CORO7: variants seen among roughly 807,000 people sequenced by gnomAD.
CORO7 encodes coronin 7.
A neutral mutation model predicts 126.6 loss-of-function variants in CORO7; 107 were observed. That is an observed-to-expected ratio of 0.85 (90% CI 0.72 to 0.99). The LOEUF is 0.99. Ranked by LOEUF, CORO7 falls within the 50% of genes least tolerant of loss-of-function variation. The pLI, the probability that CORO7 is intolerant of heterozygous loss-of-function variation, is 0.00. For missense variants in CORO7, 1,314 were observed against 1,255.8 expected, an observed-to-expected ratio of 1.05 and a Z score of -0.70; for synonymous variants, 603 against 536.8, an observed-to-expected ratio of 1.12 and a Z score of -1.70.
chr16:4,413,299 A>G lies in CORO7; in HGVS notation c.157+9T>C, dbSNP rs755752454. ...TGAGCAAATATCCACACTCATGGCCATTCCCTACCAGGACGGTCGGAGTTG... is the reference window on the plus strand; with the variant it reads ...TGAGCAAATATCCACACTCATGGCCGTTCCCTACCAGGACGGTCGGAGTTG... On this transcript the variant is annotated intron_variant, in intron 2 of 27. Coordinates refer to ENST00000251166, the MANE Select transcript of CORO7 (RefSeq NM_024535.5). 6.4e-7 allele frequency: 1 copy of G among 1,568,438 alleles called. No individual in the cohort carries two copies. Among genetic ancestry groups the G allele is most frequent in the Non-Finnish European group, 8.7e-7 (1 of 1,155,354 alleles).
chr16:4,362,589 A>G lies in CORO7; in HGVS notation c.1402+23T>C. The G allele has an allele frequency of 6.5e-7, 1 of 1,533,220 alleles. No individual in the cohort carries two copies. Among genetic ancestry groups the G allele is most frequent in the Non-Finnish European group, 8.7e-7 (1 of 1,143,480 alleles). The allele number at this position is 1,533,220 out of a possible 1,614,324, so 95.0% of individuals were successfully genotyped here. A position where few individuals can be genotyped will look rare whatever the true frequency, so the allele number is the denominator to read the frequency against. ...AGACAGGGCTCCTGCGGTAGGGGTG[A>G]GCTCCCCGTCCTGCCTCCTTACCCA... On this transcript the variant is annotated intron_variant, in intron 15 of 27. Transcript: ENST00000251166. The surrounding 1 kb of genome is among the most constrained non-coding windows in gnomAD (Gnocchi z 5.3).
At chr16:4,400,239 C>T (rs1487966310) in intron 6 of CORO7, among the ~76,000 whole-genome samples, 1 of 152,124 alleles carries the variant, frequency 6.6e-6, no homozygotes, top group Non-Finnish European at 1.5e-5. Context: ...TGGCTCAGGC[C>T]TATAATCCCA....
chr16:4,388,058 C>T lies in CORO7; in HGVS notation c.713G>A (p.Arg238His), dbSNP rs138528740. 8.6e-5 allele frequency: 138 copies of T among 1,612,498 alleles called. 1 individual carries two copies. Among genetic ancestry groups the T allele is most frequent in the Admixed American group, 4.3e-4 (26 of 59,938 alleles). The change falls in exon 9 of 28, where the codon CGC becomes CAC. Residue 238 changes from arginine (R) to histidine (H), a missense_variant. Transcript: ENST00000251166. ...CCGCGTGTCCCACAGCTTCACTTCG[C>T]GCTCACGCATCTGCAGGGAGGGCGA... Reference protein sequence around the residue: ...VSTGFNQMREREVKLWDTRFF... With the variant: ...VSTGFNQMREHEVKLWDTRFF...
chr16:4,407,101 C>T (rs150513725), intron 5 of CORO7, among the ~76,000 whole-genome samples: 4,287 of 152,096 alleles, frequency 0.028, 121 homozygotes, highest in African/African-American at 0.062. Context: ...GTGTGTGCCA[C>T]CACGCCCGGC....
chr16:4,405,478 C>T lies in CORO7; in HGVS notation c.564+13G>A, dbSNP rs1463331712. The stretch of plus-strand genomic sequence containing the variant: ...CACAGAGCCCCACAGGGCATCCCCA[C>T]CTGCCTGCTCACCTTGCACGCCGTG... On this transcript the variant is annotated intron_variant, in intron 6 of 27. Coordinates refer to ENST00000251166, the MANE Select transcript of CORO7 (RefSeq NM_024535.5). The T allele has an allele frequency of 1.2e-6, 2 of 1,610,710 alleles. No homozygotes were observed. Among genetic ancestry groups the T allele is most frequent in the South Asian group, 2.2e-5 (2 of 90,952 alleles).
intron 7 of CORO7, among the ~76,000 whole-genome samples, chr16:4,392,049 C>T (rs1255926829): frequency 6.6e-6 from 1 of 152,146 alleles, no homozygotes; most frequent in Non-Finnish European, 1.5e-5. Context: ...TAGTAAGACC[C>T]CCCACTTACC....
chr16:4,373,236 G>C (rs1311047093), intron 9 of CORO7, among the ~76,000 whole-genome samples: 1 of 152,164 alleles, frequency 6.6e-6, no homozygotes, highest in African/African-American at 2.4e-5. Flanking sequence ...GGCAGGAAGA[G>C]GCTCTGGTGA....
At chr16:4,381,369 C>T (rs1204183641) in intron 9 of CORO7, 3 of 1,592,864 alleles carry the variant, frequency 1.9e-6, no homozygotes, top group South Asian at 1.1e-5. Flanking sequence ...GGGCACTGCC[C>T]CCGCTGCGCC....
chr16:4,394,247 C>T (rs184533947), intron 7 of CORO7, among the ~76,000 whole-genome samples: 137 of 152,080 alleles, frequency 9.0e-4, no homozygotes, highest in African/African-American at 3.0e-3. Flanking sequence ...AGATCGAGAC[C>T]ATCCTGGCTA....
Position 4,407,485 on chromosome 16 carries a change from C to T in CORO7, c.487+16G>A, listed in dbSNP as rs1163731634. 1.3e-6 allele frequency: 2 copies of T among 1,559,138 alleles called. No homozygotes were observed. Among genetic ancestry groups the T allele is most frequent in the Non-Finnish European group, 1.7e-6 (2 of 1,151,648 alleles). ...GTGGGGCTGCCCTGGGAAGGGCAGG[C>T]CAGGGTGGCCTGTACCTGTCAGGGG... is the stretch of plus-strand genomic sequence containing the variant. On this transcript the variant is annotated intron_variant, in intron 5 of 27. Coordinates refer to ENST00000251166, the MANE Select transcript of CORO7 (RefSeq NM_024535.5).
chr16:4,358,550 C>T lies in CORO7; in HGVS notation c.2341-67G>A, dbSNP rs1024617467. On this transcript the variant is annotated intron_variant, in intron 23 of 27. Transcript: ENST00000251166. ...GCTCATGGCTGGGCACGTAGTCTCC[C>T]CAGGGTGCCGGCACCCCTCACTTAG... 99 of 1,469,628 alleles carry T rather than the reference C, an allele frequency of 6.7e-5. 1 individual carries two copies. The Admixed American group carries it at 2.2e-3, about 32-fold the overall frequency. 91.0% of individuals were successfully genotyped at this position (1,469,628 alleles called of 1,614,324 possible). A position where few individuals can be genotyped will look rare whatever the true frequency, so the allele number is the denominator to read the frequency against.
chr16:4,412,739 G>A lies in CORO7; in HGVS notation c.158-309C>T, dbSNP rs1234345566. 4.8e-5 allele frequency: 19 copies of A among 392,374 alleles called. No individual in the cohort carries two copies. In the East Asian group the frequency reaches 5.2e-4, roughly 11 times the overall value. The allele number at this position is 392,374 out of a possible 1,614,324, so 24.3% of individuals were successfully genotyped here. ...TTGCAGCTACCGTCAGCCACTTTTC[G>A]CACTTTTACTTGAGAAAGAAGCCAA... On this transcript the variant is annotated intron_variant, in intron 2 of 27. Coordinates refer to ENST00000251166, the MANE Select transcript of CORO7 (RefSeq NM_024535.5).
At chr16:4,394,418 C>T (rs1405492891) in intron 7 of CORO7, among the ~76,000 whole-genome samples, 1 of 150,066 alleles carries the variant, frequency 6.7e-6, no homozygotes, top group East Asian at 2.0e-4. Flanking sequence ...CGCTACACTC[C>T]AGCCTGGGCG....
intron 9 of CORO7, among the ~76,000 whole-genome samples, chr16:4,384,607 G>A (rs566577471): frequency 3.3e-4 from 50 of 152,338 alleles, no homozygotes; most frequent in African/African-American, 1.1e-3. Context: ...CCCGTGGCGC[G>A]GGTGTTGATG....
At chr16:4,398,786 A>G (rs1049288406) in intron 6 of CORO7, among the ~76,000 whole-genome samples, 4 of 151,678 alleles carry the variant, frequency 2.6e-5, no homozygotes, top group Non-Finnish European at 4.4e-5. Context: ...TGGCCAACAT[A>G]GTGAAACTCC....
rs2054230390 is a variant in CORO7 at position 4,362,921 on chromosome 16, G to GAGCTTC, written c.1276-189_1276-184dup. ...AACGCAGACACACAGGGAAGCAGCC[G>GAGCTTC]AGCTTCAGACCGCGGGGACAGCAAG... On this transcript the variant is annotated intron_variant, in intron 14 of 27. Transcript: ENST00000251166. The surrounding 1 kb of genome is among the most constrained non-coding windows in gnomAD (Gnocchi z 5.3). 1.5e-6 allele frequency: 1 copy of GAGCTTC among 672,942 alleles called. No individual in the cohort carries two copies. Among genetic ancestry groups the GAGCTTC allele is most frequent in the Non-Finnish European group, 2.1e-6 (1 of 476,496 alleles). 41.7% of individuals were successfully genotyped at this position (672,942 alleles called of 1,614,324 possible).
At position 4,357,192 on chromosome 16, in the gene CORO7, C is replaced by G; in HGVS notation, c.2661G>C (p.Lys887Asn). ...APSSAQYLEE[K>N]SDQQKKEELL... The stretch of plus-strand genomic sequence containing the variant: ...CCTCCTCCTTCTTTTGCTGGTCAGA[C>G]TTTTCTTCCAGGTACTGCGCTGAGG... Residue 887 changes from lysine (K) to asparagine (N), a missense_variant, in exon 26 of 28, where the codon AAG becomes AAC. Coordinates refer to ENST00000251166, the MANE Select transcript of CORO7 (RefSeq NM_024535.5). 3 of 1,613,970 alleles carry G rather than the reference C, an allele frequency of 1.9e-6. No individual in the cohort carries two copies. The highest frequency in any genetic ancestry group is 4.5e-5 in the East Asian group (2 of 44,882).
chr16:4,370,724 G>A (rs1181221907), intron 9 of CORO7, among the ~76,000 whole-genome samples: 1 of 152,344 alleles, frequency 6.6e-6, no homozygotes, highest in South Asian at 2.1e-4. Flanking sequence ...TAGACACAGA[G>A]GCCATCCTGC....
Position 4,364,656 on chromosome 16 carries a change from T to C in CORO7, c.1078A>G (p.Thr360Ala). The change falls in exon 13 of 28, where the codon ACT becomes GCT. Residue 360 changes from threonine to alanine, a missense_variant. By Grantham distance (58) the Thr-to-Ala change is moderately conservative. Transcript: ENST00000251166. ...VEFHEDLFPD[T>A]AGCVPATDPH... ...TCGGTGGCAGGCACACAGCCGGCAG[T>C]GTCCGGGAACAGGTCCTCGTGGAAC... The C allele has an allele frequency of 6.3e-7, 1 of 1,581,326 alleles. No individual in the cohort carries two copies. The highest frequency in any genetic ancestry group is 8.6e-7 in the Non-Finnish European group (1 of 1,164,544).
Sources: allele counts gnomAD v4.1 joint callset (sites outside exome capture counted in the v4.1 genomes callset), GRCh38; gene constraint gnomAD v4.1.1; non-coding constraint Gnocchi (gnomAD v3.1); transcripts MANE v1.5; gene names NCBI Gene and HGNC (gene_info 2026-07-23, HGNC 2026-07-21).